Variants in LRP1B observed in about 807,000 individuals in gnomAD.
The protein encoded by LRP1B is low-density lipoprotein receptor-related protein 1B.
In LRP1B, 217 loss-of-function variants were observed where a neutral mutation model predicts 556.6. The observed-to-expected ratio is 0.39, with a 90% confidence interval of 0.35 to 0.44. LRP1B has a LOEUF of 0.44. Among genes scored for constraint, LRP1B ranks in the 20% least tolerant of loss-of-function variants. The probability of loss-of-function intolerance (pLI) is 1.00; values close to 1 mark genes in which losing one functional copy is unlikely to be tolerated. For missense variants in LRP1B, 5,053 were observed against 5,620.8 expected (o/e 0.90, Z 3.23); for synonymous variants, 2,047 against 1,865.8 (o/e 1.10, Z -2.50).
chr2:140,752,331 T>G (rs1221663027), intron 35 of LRP1B, among the ~76,000 whole-genome samples: 1 of 135,364 alleles, frequency 7.4e-6, no homozygotes. Flanking sequence ...ACTTTTTTTT[T>G]TTTTTTTTAA....
intron 7 of LRP1B, among the ~76,000 whole-genome samples, chr2:141,067,337 A>G (rs1699505918): frequency 6.6e-6 from 1 of 152,026 alleles, no homozygotes; most frequent in South Asian, 2.1e-4. Context: ...ATAATAAACA[A>G]TTAAGCTATT....
intron 2 of LRP1B, among the ~76,000 whole-genome samples, chr2:141,648,617 G>A (rs957384233): frequency 6.6e-6 from 1 of 152,030 alleles, no homozygotes; most frequent in African/African-American, 2.4e-5. Flanking sequence ...AGCTATTTTT[G>A]TATTACCAAT....
intron 35 of LRP1B, among the ~76,000 whole-genome samples, chr2:140,764,629 A>G (rs555181361): frequency 1.3e-5 from 2 of 151,984 alleles, no homozygotes; most frequent in African/African-American, 4.8e-5. Context: ...TTTTTAAAAT[A>G]TGTTTTAATT....
Position 141,985,691 on chromosome 2 carries a change from T to C in LRP1B, c.82+144957A>G, listed in dbSNP as rs138741710. Among the ~76,000 whole-genome samples the C allele has an allele frequency of 5.3e-5, 8 of 152,064 alleles. No homozygotes were observed. In the East Asian group the frequency reaches 1.5e-3, roughly 29 times the overall value. ...TTTTGAGTTCTTCTATGTTGATGTA[T>C]TTACCTGTGTAACATTTTGTCATTA... On this transcript the variant is annotated intron_variant, in intron 1 of 90. Coordinates refer to ENST00000389484, the MANE Select transcript of LRP1B (RefSeq NM_018557.3).
At chr2:140,833,191 T>C (rs1199495600) in intron 31 of LRP1B, among the ~76,000 whole-genome samples, 1 of 152,120 alleles carries the variant, frequency 6.6e-6, no homozygotes, top group East Asian at 1.9e-4. Context: ...AGAGAATGAA[T>C]GAATGAATGA....
At chr2:140,701,627 T>A in intron 40 of LRP1B, 94 bp downstream of exon 40, 1 of 1,262,062 alleles carries the variant, frequency 7.9e-7, no homozygotes, top group East Asian at 2.4e-5. Context: ...GGTTTTAGAC[T>A]TATAGAAGAA....
At chr2:140,953,121 C>T (rs1335932844) in intron 18 of LRP1B, among the ~76,000 whole-genome samples, 5 of 152,124 alleles carry the variant, frequency 3.3e-5, no homozygotes, top group East Asian at 1.9e-4. Flanking sequence ...TATGGAGTCT[C>T]ACTCTGTGGC....
At chr2:140,753,710 T>C (rs1314119771) in intron 35 of LRP1B, among the ~76,000 whole-genome samples, 4 of 152,122 alleles carry the variant, frequency 2.6e-5, no homozygotes, top group African/African-American at 9.7e-5. Context: ...CCACCTCAGT[T>C]CAGCTTGATG....
chr2:141,901,821 G>T (rs957622460), intron 1 of LRP1B, among the ~76,000 whole-genome samples: 26 of 151,850 alleles, frequency 1.7e-4, no homozygotes, highest in African/African-American at 6.3e-4. Context: ...ATGTTGAACA[G>T]TGCAACATAA....
At chr2:141,473,909 A>T (rs889591003) in intron 3 of LRP1B, among the ~76,000 whole-genome samples, 36 of 151,504 alleles carry the variant, frequency 2.4e-4, no homozygotes, top group Admixed American at 5.3e-4. Flanking sequence ...TGAAATTTTT[A>T]AAATGAGGCT....
At chr2:140,269,902 C>T (rs1307506540) in intron 86 of LRP1B, among the ~76,000 whole-genome samples, 1 of 151,756 alleles carries the variant, frequency 6.6e-6, no homozygotes, top group South Asian at 2.1e-4. Flanking sequence ...GCCATAAGTA[C>T]CAAAGTATTC....
chr2:141,365,580 C>A (rs928858612), intron 3 of LRP1B, among the ~76,000 whole-genome samples: 1 of 148,680 alleles, frequency 6.7e-6, no homozygotes, highest in Non-Finnish European at 1.5e-5. Context: ...TTTATAGCTT[C>A]ATATGTAAAC....
At chr2:140,237,307 T>A (rs1558917014) in intron 89 of LRP1B, among the ~76,000 whole-genome samples, 1 of 151,048 alleles carries the variant, frequency 6.6e-6, no homozygotes, top group Admixed American at 6.6e-5. Context: ...GACAATATCA[T>A]CCAGCTTTAT....
intron 2 of LRP1B, among the ~76,000 whole-genome samples, chr2:141,483,176 T>C (rs1240953367): frequency 1.4e-5 from 2 of 144,054 alleles, no homozygotes; most frequent in African/African-American, 5.2e-5. Context: ...TGTGTTCTCA[T>C]TGTTCAATTC....
rs185163478 is a variant in LRP1B, at chr2:140,686,005, T to C, written c.6799+14245A>G. 7.8e-3 allele frequency among the ~76,000 whole-genome samples: 1,189 copies of C among 152,190 alleles called. 11 individuals carry two copies. The highest frequency in any genetic ancestry group is 0.013 in the Non-Finnish European group (860 of 67,966). ...GCAGCGCAAAAAAGACTGAACTTCA[T>C]GGTGTGAAGGGATTTGAACTAAATT... On this transcript the variant is annotated intron_variant, in intron 41 of 90. Coordinates refer to ENST00000389484, the MANE Select transcript of LRP1B (RefSeq NM_018557.3).
chr2:141,983,607 G>C (rs1035111683), intron 1 of LRP1B, among the ~76,000 whole-genome samples: 1 of 152,080 alleles, frequency 6.6e-6, no homozygotes, highest in African/African-American at 2.4e-5. Context: ...TCCTCTCCAG[G>C]CATCTTTCTT....
Position 141,177,328 on chromosome 2 carries a change from A to G in LRP1B, c.1013+11093T>C, listed in dbSNP as rs146183473. Among the ~76,000 whole-genome samples the G allele has an allele frequency of 2.3e-3, 343 of 152,220 alleles. 2 individuals carry two copies. Among genetic ancestry groups the G allele is most frequent in the African/African-American group, 7.5e-3 (312 of 41,578 alleles). ...ACTAGAATTTCTGGAAGCTAGTGTT[A>G]CCTTAACTAATGCTGTAGTTGCTAC... is the stretch of plus-strand genomic sequence containing the variant. On this transcript the variant is annotated intron_variant, in intron 7 of 90. Coordinates refer to ENST00000389484, the MANE Select transcript of LRP1B (RefSeq NM_018557.3).
chr2:141,022,458 C>G (rs537224935), intron 11 of LRP1B, among the ~76,000 whole-genome samples: 14 of 152,108 alleles, frequency 9.2e-5, no homozygotes, highest in Non-Finnish European at 1.9e-4. Flanking sequence ...TAATTCCTTT[C>G]TCCACAAATA....
chr2:140,764,947 A>G (rs1414152096), intron 35 of LRP1B, among the ~76,000 whole-genome samples: 1 of 152,136 alleles, frequency 6.6e-6, no homozygotes, highest in Non-Finnish European at 1.5e-5. Flanking sequence ...TATTTCCTCT[A>G]GTAAGTTCCA....
Sources: gnomAD v4.1 joint callset for allele counts (sites outside exome capture counted in the v4.1 genomes callset) on GRCh38, gnomAD v4.1.1 for gene constraint, MANE v1.5 for transcripts, NCBI Gene and HGNC (gene_info 2026-07-23, HGNC 2026-07-21) for gene names.